Variants in GLDN observed in about 807,000 individuals in gnomAD.
GLDN encodes the protein collomin.
Under a neutral mutation model 56.5 loss-of-function variants are expected in GLDN, and 47 were observed. The observed-to-expected ratio is 0.83, with a 90% CI of 0.66 to 1.06. The LOEUF (loss-of-function observed/expected upper bound fraction) is 1.06. Ranked by LOEUF, GLDN falls within the 50% of genes least tolerant of loss-of-function variation. GLDN has a pLI of 0.00. For synonymous variants in GLDN, 332 were observed against 278.8 expected (o/e 1.19, Z -1.90); for missense variants, 782 against 714.3 (o/e 1.09, Z -1.08).
At chr15:51,382,481 A>C (rs892809574) in intron 2 of GLDN, among the ~76,000 whole-genome samples, 3 of 152,110 alleles carry the variant, frequency 2.0e-5, no homozygotes, top group African/African-American at 7.2e-5. Context: ...TATGTGGTCT[A>C]AAGAGGCGGG....
chr15:51,411,935 T>G (rs1026361898), downstream of GLDN, among the ~76,000 whole-genome samples: 1 of 152,234 alleles, frequency 6.6e-6, no homozygotes, highest in Non-Finnish European at 1.5e-5. Context: ...TGGGAGCCAC[T>G]GTGCCAACTT....
At chr15:51,352,043 G>T (rs1214868144) in intron 1 of GLDN, among the ~76,000 whole-genome samples, 1 of 152,116 alleles carries the variant, frequency 6.6e-6, no homozygotes, top group African/African-American at 2.4e-5. Context: ...AGTTGATTCA[G>T]GCTGCTATAA....
intron 4 of GLDN, among the ~76,000 whole-genome samples, chr15:51,386,221 G>A (rs1045574664): frequency 6.6e-6 from 1 of 152,202 alleles, no homozygotes; most frequent in African/African-American, 2.4e-5. Context: ...CATACTGAGA[G>A]TGGAAGTTGA....
At chr15:51,411,216 G>A (rs766671770), downstream of GLDN, among the ~76,000 whole-genome samples, 9 of 152,194 alleles carry the variant, frequency 5.9e-5, no homozygotes, top group Non-Finnish European at 8.8e-5. Flanking sequence ...CTCCTAACCC[G>A]CTCCTTACAC....
At chr15:51,344,026 T>C (rs970453569) in intron 1 of GLDN, among the ~76,000 whole-genome samples, 2 of 152,200 alleles carry the variant, frequency 1.3e-5, no homozygotes, top group African/African-American at 4.8e-5. Flanking sequence ...ATCTTGGGGA[T>C]CTTGTTAATA....
At chr15:51,353,552 GA>G (rs964551221) in intron 1 of GLDN, among the ~76,000 whole-genome samples, 2 of 151,544 alleles carry the variant, frequency 1.3e-5, no homozygotes, top group Non-Finnish European at 2.9e-5. Context: ...TGGCATTCCT[GA>G]AAAAAAATTT....
chr15:51,345,769 G>A (rs953558205), intron 1 of GLDN, among the ~76,000 whole-genome samples: 8 of 152,188 alleles, frequency 5.3e-5, no homozygotes, highest in African/African-American at 1.9e-4. Context: ...CAAGACAAGG[G>A]AAAATGGTCT....
chr15:51,391,062 C>T (rs2038008017), intron 4 of GLDN, among the ~76,000 whole-genome samples: 1 of 152,196 alleles, frequency 6.6e-6, no homozygotes, highest in Non-Finnish European at 1.5e-5. Context: ...CGAGGGGATG[C>T]TTTGTCAGCA....
intron 4 of GLDN, 55 bp from the exon 5 acceptor site, chr15:51,394,780 G>C: frequency 6.3e-7 from 1 of 1,591,614 alleles, no homozygotes; most frequent in Non-Finnish European, 8.6e-7. Context: ...ATATAAAGTG[G>C]TGTGCCAGAA....
intron 1 of GLDN, among the ~76,000 whole-genome samples, chr15:51,376,720 T>C (rs901896191): frequency 6.6e-6 from 1 of 152,256 alleles, no homozygotes; most frequent in Non-Finnish European, 1.5e-5. Flanking sequence ...TTGGTGTTTT[T>C]TGTTTGTTTA....
Position 51,404,960 on chromosome 15 carries a change from C to T in GLDN, c.*206C>T, listed in dbSNP as rs1209812412. 7 of 501,656 alleles carry T rather than the reference C, an allele frequency of 1.4e-5. No individual in the cohort carries two copies. The highest frequency in any genetic ancestry group is 1.3e-4 in the South Asian group (5 of 37,056). The allele number at this position is 501,656 out of a possible 1,614,324, so 31.1% of individuals were successfully genotyped here. On this transcript the variant is annotated 3_prime_UTR_variant, in exon 10 of 10. Coordinates refer to ENST00000335449, the MANE Select transcript of GLDN (RefSeq NM_181789.4). Reference sequence around the variant, plus strand: ...GATTTGGTGATCTCCCCACAGCTGGCTCTGCAAGTTACCTCTTTCTCCTTG... The same window carrying T: ...GATTTGGTGATCTCCCCACAGCTGGTTCTGCAAGTTACCTCTTTCTCCTTG...
intron 3 of GLDN, 75 bp from the exon 4 acceptor site, chr15:51,383,710 G>T (rs2037820597): frequency 8.6e-7 from 1 of 1,166,194 alleles, no homozygotes; most frequent in Non-Finnish European, 1.2e-6. Flanking sequence ...ACTGGTAAAG[G>T]AAATGACAGT....
chr15:51,397,774 C>A (rs1847625432), intron 6 of GLDN, among the ~76,000 whole-genome samples, 176 bp downstream of exon 6: 1 of 152,184 alleles, frequency 6.6e-6, no homozygotes, highest in African/African-American at 2.4e-5. Flanking sequence ...TGCCCCAGGG[C>A]TGAGGACCAG....
intron 6 of GLDN, among the ~76,000 whole-genome samples, chr15:51,398,309 G>T (rs994335647): frequency 1.3e-5 from 2 of 152,250 alleles, no homozygotes; most frequent in Non-Finnish European, 2.9e-5. Context: ...ACCTCTGGTG[G>T]ACTTGTTCTT....
Position 51,362,517 on chromosome 15 carries a change from T to C in GLDN, c.364-14932T>C, listed in dbSNP as rs536220245. Among the ~76,000 whole-genome samples, 6 of 147,330 alleles carry C rather than the reference T, an allele frequency of 4.1e-5. No individual in the cohort carries two copies. In the East Asian group the frequency reaches 1.2e-3, roughly 29 times the overall value. On this transcript the variant is annotated intron_variant, in intron 1 of 9. Transcript: ENST00000335449. The stretch of plus-strand genomic sequence containing the variant: ...AAAAAAAAAAAAAAGAAAGAAAGGA[T>C]GTCAGAAAGATGATTGGGTTGGGTG...
Position 51,405,322 on chromosome 15 carries a change from C to G in GLDN, c.*568C>G, listed in dbSNP as rs1372198857. ...ACCACAGAATAACCATTACCCTCAG[C>G]TGCTGATTGGGCAGCTCTGAGATTA... is the stretch of plus-strand genomic sequence containing the variant. On this transcript the variant is annotated 3_prime_UTR_variant, in exon 10 of 10. Transcript: ENST00000335449. 2 of 150,594 alleles carry G rather than the reference C, an allele frequency of 1.3e-5. No individual in the cohort carries two copies. The highest frequency in any genetic ancestry group is 4.9e-5 in the African/African-American group (2 of 40,840). 9.3% of individuals were successfully genotyped at this position (150,594 alleles called of 1,614,324 possible). A position where few individuals can be genotyped will look rare whatever the true frequency, so the allele number is the denominator to read the frequency against.
At chr15:51,355,525 C>CT (rs147021073) in intron 1 of GLDN, among the ~76,000 whole-genome samples, 2,294 of 126,370 alleles carry the variant, frequency 0.018, 59 homozygotes, top group South Asian at 0.054. Flanking sequence ...TTCTTTCTTT[C>CT]TTTTTTTTTT....
Position 51,405,492 on chromosome 15 carries a change from T to A in GLDN, c.*738T>A, listed in dbSNP as rs1018581862. The stretch of plus-strand genomic sequence containing the variant: ...TCTTGAACTCCTGGGGCTCAAGTGA[T>A]CCTCCTGCCTTGGCCTCCCAAAATG... On this transcript the variant is annotated 3_prime_UTR_variant, in exon 10 of 10. Transcript: ENST00000335449. The A allele has an allele frequency of 4.0e-5, 6 of 151,784 alleles. No homozygotes were observed. The highest frequency in any genetic ancestry group is 8.8e-5 in the Non-Finnish European group (6 of 67,976). 9.4% of individuals were successfully genotyped at this position (151,784 alleles called of 1,614,324 possible). A position where few individuals can be genotyped will look rare whatever the true frequency, so the allele number is the denominator to read the frequency against.
intron 1 of GLDN, among the ~76,000 whole-genome samples, chr15:51,371,028 C>T (rs2037506237): frequency 6.6e-6 from 1 of 152,204 alleles, no homozygotes; most frequent in African/African-American, 2.4e-5. Context: ...AAACCTATCC[C>T]CTTCTTATTC....
Sources: allele counts gnomAD v4.1 joint callset (sites outside exome capture counted in the v4.1 genomes callset), GRCh38; gene constraint gnomAD v4.1.1; transcripts MANE v1.5; gene names NCBI Gene and HGNC (gene_info 2026-07-23, HGNC 2026-07-21).